Variants in YWHAQ observed in about 807,000 individuals in gnomAD.
YWHAQ encodes 14-3-3 protein theta.
A neutral mutation model predicts 28.3 loss-of-function variants in YWHAQ; 6 were observed. The ratio of observed to expected loss-of-function variants is 0.21; its 90% CI spans 0.12 to 0.42. The LOEUF (loss-of-function observed/expected upper bound fraction) is 0.42, where lower values mean the gene tolerates loss of function less well. Ranked by LOEUF, YWHAQ falls within the 10% of genes least tolerant of loss-of-function variation. YWHAQ has a pLI of 1.00. For synonymous variants in YWHAQ, 143 were observed against 119.1 expected, an observed-to-expected ratio of 1.20 and a Z score of -1.31; for missense variants, 201 against 305.6, an observed-to-expected ratio of 0.66 and a Z score of 2.55.
In YWHAQ at chr2:9,630,272, C is replaced by T. The variant is rs960357310; in HGVS notation, c.181G>A (p.Val61Ile). 1 of 1,614,190 alleles carries T rather than the reference C, an allele frequency of 6.2e-7. No homozygotes were observed. Among genetic ancestry groups the T allele is most frequent in the Non-Finnish European group, 8.5e-7 (1 of 1,180,042 alleles). The change falls in exon 2 of 6, where the codon GTC (valine) becomes ATC (isoleucine). Residue 61 changes from valine (V) to isoleucine (I), a missense_variant. Physicochemically the swap from Val to Ile is conservative, Grantham distance 29. Transcript: ENST00000238081. This position sits in a 1 kb window ranked among gnomAD's most constrained non-coding sequence, Gnocchi z 5.6. ...GTCTTCTGCTCGATGCTAGAGATGACCCTCCAGGCGGACCTGCGGCCCCCG... is the reference window on the plus strand; with the variant it reads ...GTCTTCTGCTCGATGCTAGAGATGATCCTCCAGGCGGACCTGCGGCCCCCG... ...VVGGRRSAWR[V>I]ISSIEQKTDT... is the part of the protein sequence containing the mutation.
At chr2:9,604,844 C>T (rs748117368) in intron 2 of YWHAQ, among the ~76,000 whole-genome samples, 9 of 152,128 alleles carry the variant, frequency 5.9e-5, no homozygotes, top group East Asian at 3.8e-4. Context: ...TAAACCAAAA[C>T]GGCAAACTCT....
intron 2 of YWHAQ, among the ~76,000 whole-genome samples, chr2:9,603,851 G>A (rs1017828471): frequency 6.6e-5 from 10 of 152,060 alleles, no homozygotes; most frequent in Admixed American, 3.9e-4. Context: ...CTTTAACCCA[G>A]GAGGAGGAGG....
chr2:9,603,125 G>A (rs894305196), intron 2 of YWHAQ, among the ~76,000 whole-genome samples: 5 of 151,638 alleles, frequency 3.3e-5, no homozygotes, highest in African/African-American at 1.2e-4. Flanking sequence ...TATAGCTAAA[G>A]TATAAACACA....
Position 9,630,048 on chromosome 2 carries a change from C to A in YWHAQ, c.294+111G>T, listed in dbSNP as rs1667329747. On this transcript the variant is annotated intron_variant, in intron 2 of 5. Coordinates refer to ENST00000238081, the MANE Select transcript of YWHAQ (RefSeq NM_006826.4). This position sits in a 1 kb window ranked among gnomAD's most constrained non-coding sequence, Gnocchi z 5.6. Reference sequence around the variant, plus strand: ...CAGGGCTCACCTAAAACCCTCCACCCCAGCAGACAGTCCGGCAAGCCCCGG... The same window carrying A: ...CAGGGCTCACCTAAAACCCTCCACCACAGCAGACAGTCCGGCAAGCCCCGG... 32 of 1,436,074 alleles carry A rather than the reference C, an allele frequency of 2.2e-5. No individual in the cohort carries two copies. The highest frequency in any genetic ancestry group is 3.0e-5 in the Non-Finnish European group (32 of 1,055,874). The allele number at this position is 1,436,074 out of a possible 1,614,324, so 89.0% of individuals were successfully genotyped here. A position where few individuals can be genotyped will look rare whatever the true frequency, so the allele number is the denominator to read the frequency against.
chr2:9,597,275 T>G (rs1666590907), intron 2 of YWHAQ, among the ~76,000 whole-genome samples: 2 of 152,206 alleles, frequency 1.3e-5, no homozygotes, highest in South Asian at 4.1e-4. Flanking sequence ...TCAATTCATC[T>G]ATGGAAATAT....
intron 2 of YWHAQ, among the ~76,000 whole-genome samples, chr2:9,605,964 A>T (rs1666818690): frequency 6.6e-6 from 1 of 152,082 alleles, no homozygotes; most frequent in African/African-American, 2.4e-5. Context: ...TAGCTTTTCC[A>T]TTTAGTAAGC....
chr2:9,614,864 A>C (rs1472809032), intron 2 of YWHAQ, among the ~76,000 whole-genome samples: 1 of 152,202 alleles, frequency 6.6e-6, no homozygotes, highest in Non-Finnish European at 1.5e-5. Context: ...CTAGTCTATC[A>C]GCTCTGTTAT....
intron 5 of YWHAQ, 109 bp downstream of exon 5, chr2:9,587,305 C>T (rs900363332): frequency 1.1e-4 from 102 of 961,308 alleles, no homozygotes; most frequent in Admixed American, 2.3e-4. Context: ...ACACGTATCT[C>T]ATACTTTCAG....
rs1666515191 is a variant in YWHAQ, at chr2:9,593,947, T to TACACACACAC, written c.295-2433_295-2432insGTGTGTGTGT. On this transcript the variant is annotated intron_variant, in intron 2 of 5. Transcript: ENST00000238081. Reference sequence around the variant, plus strand: ...ATACACACACACACACACACACTTTTTTAAGGGCCTGAGGCCAGAGGAAGT... The same window carrying TACACACACAC: ...ATACACACACACACACACACACTTTTACACACACACTTAAGGGCCTGAGGCCAGAGGAAGT... Among the ~76,000 whole-genome samples, 8 of 126,268 alleles carry TACACACACAC rather than the reference T, an allele frequency of 6.3e-5. No individual in the cohort carries two copies. The South Asian group carries it at 1.5e-3, about 23-fold the overall frequency. 82.8% of individuals were successfully genotyped at this position (126,268 alleles called of 152,430 possible). A position where few individuals can be genotyped will look rare whatever the true frequency, so the allele number is the denominator to read the frequency against.
rs202138500 is a variant in YWHAQ, at chr2:9,630,234, G to A, written c.219C>T (p.Asp73=). ...SSIEQKTDTS[D]KKLQLIKDYR... ...AGTCCTTAATCAGCTGCAACTTCTT[G>A]TCGGAGGTGTCGGTCTTCTGCTCGA... Residue 73 remains aspartate (D), a synonymous_variant, in exon 2 of 6, where the codon GAC becomes GAT. Coordinates refer to ENST00000238081, the MANE Select transcript of YWHAQ (RefSeq NM_006826.4). This position sits in a 1 kb window ranked among gnomAD's most constrained non-coding sequence, Gnocchi z 5.6. The A allele has an allele frequency of 3.1e-6, 5 of 1,614,114 alleles. No homozygotes were observed. Among genetic ancestry groups the A allele is most frequent in the East Asian group, 2.2e-5 (1 of 44,878 alleles).
intron 2 of YWHAQ, among the ~76,000 whole-genome samples, chr2:9,601,455 A>G (rs1666691527): frequency 6.6e-6 from 1 of 152,200 alleles, no homozygotes; most frequent in Admixed American, 6.5e-5. Context: ...AACAAGAGTG[A>G]AACTCCACCT....
Position 9,592,448 on chromosome 2 carries a change from G to A in YWHAQ, c.295-933C>T, listed in dbSNP as rs1368410702. Among the ~76,000 whole-genome samples, 5 of 151,938 alleles carry A rather than the reference G, an allele frequency of 3.3e-5. No homozygotes were observed. In the East Asian group the frequency reaches 5.8e-4, roughly 18 times the overall value. ...TCCATTTAAAAACCTTTTTAGGGCC[G>A]GGCGCGGTGGCTCACGGCTGTAATC... On this transcript the variant is annotated intron_variant, in intron 2 of 5. Coordinates refer to ENST00000238081, the MANE Select transcript of YWHAQ (RefSeq NM_006826.4).
chr2:9,593,905 A>AAAT (rs1205661739), intron 2 of YWHAQ, among the ~76,000 whole-genome samples: 15 of 127,632 alleles, frequency 1.2e-4, no homozygotes, highest in Non-Finnish European at 1.7e-4. Context: ...GATTAAAAAA[A>AAAT]ATATATATAT....
At chr2:9,609,010 G>A (rs558167542) in intron 2 of YWHAQ, among the ~76,000 whole-genome samples, 67 of 152,286 alleles carry the variant, frequency 4.4e-4, no homozygotes, top group African/African-American at 1.3e-3. Flanking sequence ...ATCATGAGGC[G>A]TCAGCAGACA....
At chr2:9,597,634 C>CAAAAAAAA (rs562319001) in intron 2 of YWHAQ, among the ~76,000 whole-genome samples, 11 of 75,280 alleles carry the variant, frequency 1.5e-4, no homozygotes, top group African/African-American at 3.1e-4. Flanking sequence ...AACTCCGTCT[C>CAAAAAAAA]AAAAAAAAAA....
Position 9,621,491 on chromosome 2 carries a change from C to T in YWHAQ, c.294+8668G>A, listed in dbSNP as rs369249967. 1.3e-4 allele frequency among the ~76,000 whole-genome samples: 20 copies of T among 152,296 alleles called. No individual in the cohort carries two copies. The East Asian group carries it at 2.3e-3, about 18-fold the overall frequency. ...ATTACAGTGAACACCCCCACATATC[C>T]ACCACCTGGATCTTACCATTAACCT... is the stretch of plus-strand genomic sequence containing the variant. On this transcript the variant is annotated intron_variant, in intron 2 of 5. Transcript: ENST00000238081.
chr2:9,585,919 A>C (rs1215501576), intron 5 of YWHAQ, among the ~76,000 whole-genome samples: 2 of 152,030 alleles, frequency 1.3e-5, no homozygotes, highest in African/African-American at 4.8e-5. Context: ...TCTCAAAAAA[A>C]AAAAAAAAAA....
chr2:9,609,014 G>A (rs1666892763), intron 2 of YWHAQ, among the ~76,000 whole-genome samples: 1 of 152,216 alleles, frequency 6.6e-6, no homozygotes. Context: ...TGAGGCGTCA[G>A]CAGACACAAA....
chr2:9,614,084 C>G (rs1050885652), intron 2 of YWHAQ, among the ~76,000 whole-genome samples: 5 of 152,184 alleles, frequency 3.3e-5, no homozygotes, highest in African/African-American at 1.2e-4. Context: ...GGCTCCTATG[C>G]TATATCCCCA....
Sources: allele counts gnomAD v4.1 joint callset (sites outside exome capture counted in the v4.1 genomes callset), GRCh38; gene constraint gnomAD v4.1.1; non-coding constraint Gnocchi (gnomAD v3.1); transcripts MANE v1.5; gene names NCBI Gene and HGNC (gene_info 2026-07-23, HGNC 2026-07-21).